The following CHCHD3 variants were observed in gnomAD, a reference collection of about 807,000 sequenced individuals.
The protein encoded by CHCHD3 is MICOS complex subunit MIC19.
In CHCHD3, 20 loss-of-function variants were observed where a neutral mutation model predicts 38.2. That is an observed-to-expected ratio of 0.52 (90% CI 0.37 to 0.76). The LOEUF is 0.76. Ranked by LOEUF, CHCHD3 falls within the 30% of genes least tolerant of loss-of-function variation. CHCHD3 has a pLI of 0.00. For missense variants in CHCHD3, 245 were observed against 279.2 expected, an observed-to-expected ratio of 0.88 and a Z score of 0.87; for synonymous variants, 82 against 100.0, an observed-to-expected ratio of 0.82 and a Z score of 1.07.
At chr7:132,936,764 C>T (rs1171799644) in intron 4 of CHCHD3, among the ~76,000 whole-genome samples, 4 of 152,156 alleles carry the variant, frequency 2.6e-5, no homozygotes, top group East Asian at 1.9e-4. Context: ...CTTGATAAAA[C>T]GTGCTAAAGT....
Position 132,984,825 on chromosome 7 carries a change from G to A in CHCHD3, c.252-9539C>T, listed in dbSNP as rs1445465479. ...TGGGAAGTGAGGAGCGTCTCCGCCC[G>A]GCAGCCACCCGGTCTGGGAGGGAGG... On this transcript the variant is annotated intron_variant, in intron 3 of 7. Transcript: ENST00000262570. Among the ~76,000 whole-genome samples the A allele has an allele frequency of 6.7e-5, 9 of 133,458 alleles. 1 individual carries two copies. The highest frequency in any genetic ancestry group is 2.4e-4 in the East Asian group (1 of 4,106). The allele number at this position is 133,458 out of a possible 152,430, so 87.6% of individuals were successfully genotyped here.
intron 3 of CHCHD3, among the ~76,000 whole-genome samples, chr7:133,002,382 C>G (rs535012190): frequency 6.6e-6 from 1 of 152,214 alleles, no homozygotes; most frequent in Non-Finnish European, 1.5e-5. Flanking sequence ...AGAGACAAAG[C>G]TGGCATTCAA....
At chr7:133,001,475 A>C (rs1446102500) in intron 3 of CHCHD3, among the ~76,000 whole-genome samples, 1 of 152,214 alleles carries the variant, frequency 6.6e-6, no homozygotes, top group African/African-American at 2.4e-5. Flanking sequence ...CAAAGTGAAA[A>C]CTTATGTCAA....
chr7:132,936,338 C>T (rs1026047456), intron 4 of CHCHD3, among the ~76,000 whole-genome samples: 46 of 152,116 alleles, frequency 3.0e-4, no homozygotes, highest in Admixed American at 2.7e-3. Context: ...AAAGTAAAAA[C>T]TGAGAAATTC....
chr7:132,799,721 T>C (rs1457871192), intron 6 of CHCHD3, among the ~76,000 whole-genome samples: 2 of 152,204 alleles, frequency 1.3e-5, no homozygotes, highest in Non-Finnish European at 2.9e-5. Flanking sequence ...TTTGAAAATA[T>C]ACATGTAACA....
Position 132,788,560 on chromosome 7 carries a change from C to CA in CHCHD3, c.661-2901dup, listed in dbSNP as rs1227410205. ...TTACTATTCTCTCTGCAACCTCAAC[C>CA]AAATATAGATGGGTAATTTTTCAGC... On this transcript the variant is annotated intron_variant, in intron 7 of 7. Transcript: ENST00000262570. This position sits in a 1 kb window ranked among gnomAD's most constrained non-coding sequence, Gnocchi z 4.0. 2.0e-5 allele frequency among the ~76,000 whole-genome samples: 3 copies of CA among 152,126 alleles called. No individual in the cohort carries two copies. The highest frequency in any genetic ancestry group is 4.4e-5 in the Non-Finnish European group (3 of 68,024).
chr7:132,968,105 A>G (rs1811522236), intron 4 of CHCHD3, among the ~76,000 whole-genome samples: 1 of 152,178 alleles, frequency 6.6e-6, no homozygotes, highest in African/African-American at 2.4e-5. Context: ...CAGTCTCTTC[A>G]TAAGGTTGTA....
chr7:133,065,950 G>A (rs73724163), intron 2 of CHCHD3, among the ~76,000 whole-genome samples: 40 of 152,302 alleles, frequency 2.6e-4, no homozygotes, highest in African/African-American at 9.6e-4. Context: ...TGTCCTATGA[G>A]CCTTGTTGAG....
At chr7:133,060,427 C>T (rs954480264) in intron 2 of CHCHD3, among the ~76,000 whole-genome samples, 1 of 152,112 alleles carries the variant, frequency 6.6e-6, no homozygotes, top group African/African-American at 2.4e-5. Flanking sequence ...TACCACAGGC[C>T]CACACAGGTG....
At chr7:132,915,774 T>C (rs1227023988) in intron 4 of CHCHD3, among the ~76,000 whole-genome samples, 6 of 152,132 alleles carry the variant, frequency 3.9e-5, no homozygotes, top group African/African-American at 1.2e-4. Flanking sequence ...ACTTAGCAGA[T>C]ACATTCTTCA....
chr7:133,006,874 GT>G (rs1444755910), intron 3 of CHCHD3, among the ~76,000 whole-genome samples: 2 of 152,052 alleles, frequency 1.3e-5, no homozygotes, highest in Non-Finnish European at 2.9e-5. Flanking sequence ...ATTTATATAT[GT>G]ACTGACAACA....
At chr7:132,883,840 A>G (rs1372166535) in intron 5 of CHCHD3, among the ~76,000 whole-genome samples, 2 of 152,186 alleles carry the variant, frequency 1.3e-5, no homozygotes, top group African/African-American at 4.8e-5. Context: ...CCTGAGCTTA[A>G]CATATCCACA....
At chr7:132,799,118 G>A (rs1430165725) in intron 6 of CHCHD3, among the ~76,000 whole-genome samples, 2 of 151,940 alleles carry the variant, frequency 1.3e-5, no homozygotes, top group East Asian at 3.9e-4. Flanking sequence ...GGTAGAAAGA[G>A]GGGAAGAGGA....
chr7:133,021,695 T>TC (rs1218477330), intron 3 of CHCHD3, among the ~76,000 whole-genome samples: 2 of 152,200 alleles, frequency 1.3e-5, no homozygotes, highest in Admixed American at 1.3e-4. Flanking sequence ...TCACCACATA[T>TC]GTAGAGTGAC....
chr7:133,001,973 C>T (rs1187833789), intron 3 of CHCHD3, among the ~76,000 whole-genome samples: 1 of 152,182 alleles, frequency 6.6e-6, no homozygotes, highest in African/African-American at 2.4e-5. Flanking sequence ...TTATTATTGT[C>T]CTCCATCTTA....
chr7:132,947,591 C>T (rs908059834), intron 4 of CHCHD3, among the ~76,000 whole-genome samples: 2 of 151,966 alleles, frequency 1.3e-5, no homozygotes, highest in Admixed American at 1.3e-4. Flanking sequence ...CATTGAAAGA[C>T]TCAAATGTTT....
chr7:132,787,587 A>G (rs1325245133), intron 7 of CHCHD3, among the ~76,000 whole-genome samples: 1 of 152,118 alleles, frequency 6.6e-6, no homozygotes, highest in African/African-American at 2.4e-5. Flanking sequence ...AATGTCTAGA[A>G]GGACGCTGTA....
chr7:132,962,112 T>A (rs1811334403), intron 4 of CHCHD3, among the ~76,000 whole-genome samples: 1 of 152,200 alleles, frequency 6.6e-6, no homozygotes, highest in Admixed American at 6.5e-5. Context: ...GCCCGGCCTG[T>A]GACTAAACCA....
rs370977288 is a variant in CHCHD3 at position 133,038,300 on chromosome 7, A to G, written c.170-13673T>C. Among the ~76,000 whole-genome samples the G allele has an allele frequency of 3.1e-3, 478 of 152,284 alleles. 3 individuals are homozygous for G. In the South Asian group the frequency reaches 0.037, roughly 12 times the overall value. On this transcript the variant is annotated intron_variant, in intron 2 of 7. Transcript: ENST00000262570. ...ATATTATAGAAAAATGCAATCATAT[A>G]CCTTTATAACATTTGGGAAAGCAGA... is the stretch of plus-strand genomic sequence containing the variant.
Sources: gnomAD v4.1 joint callset for allele counts (sites outside exome capture counted in the v4.1 genomes callset) on GRCh38, gnomAD v4.1.1 for gene constraint, Gnocchi (gnomAD v3.1) non-coding constraint, MANE v1.5 for transcripts, NCBI Gene and HGNC (gene_info 2026-07-23, HGNC 2026-07-21) for gene names.